The following PLCG2 variants were observed in gnomAD, a reference collection of about 807,000 sequenced individuals.
PLCG2 encodes the protein phospholipase C gamma 2, also known as 1-phosphatidylinositol 4,5-bisphosphate phosphodiesterase gamma-2.
A neutral mutation model predicts 175.6 loss-of-function variants in PLCG2; 69 were observed. The observed-to-expected ratio is 0.39, with a 90% CI of 0.32 to 0.48. PLCG2 has a LOEUF of 0.48. PLCG2 is among the 20% of genes least tolerant of loss of function. The pLI is 0.91. For synonymous variants in PLCG2, 827 were observed against 624.0 expected (o/e 1.33, Z -4.85); for missense variants, 1,798 against 1,650.9 (o/e 1.09, Z -1.54).
In PLCG2 at chr16:81,900,849, C is replaced by T. The variant is rs898493968; in HGVS notation, c.1362+69C>T. 1.5e-5 allele frequency: 21 copies of T among 1,438,220 alleles called. No individual in the cohort carries two copies. The African/African-American group carries it at 2.4e-4, about 16-fold the overall frequency. The allele number at this position is 1,438,220 out of a possible 1,614,324, so 89.1% of individuals were successfully genotyped here. A position where few individuals can be genotyped will look rare whatever the true frequency, so the allele number is the denominator to read the frequency against. On this transcript the variant is annotated intron_variant, in intron 14 of 32. Coordinates refer to ENST00000564138, the MANE Select transcript of PLCG2 (RefSeq NM_002661.5). Reference sequence around the variant, plus strand: ...TGGCTCGGTTCCCCGGCTCTGGGTCCCGTTCACCAAGTTCTATGTCCTACT... The same window carrying T: ...TGGCTCGGTTCCCCGGCTCTGGGTCTCGTTCACCAAGTTCTATGTCCTACT...
intron 2 of PLCG2, among the ~76,000 whole-genome samples, chr16:81,804,791 T>C (rs1306791203): frequency 6.6e-6 from 1 of 152,182 alleles, no homozygotes; most frequent in Non-Finnish European, 1.5e-5. Context: ...AGTTACCTCC[T>C]AAGAGGAACC....
At chr16:81,888,203 A>G (rs1908460974) in intron 9 of PLCG2, among the ~76,000 whole-genome samples, 1 of 152,172 alleles carries the variant, frequency 6.6e-6, no homozygotes, top group South Asian at 2.1e-4. Context: ...ACAAGCTGCC[A>G]CGGTCAGAGT....
intron 32 of PLCG2, among the ~76,000 whole-genome samples, 171 bp from the exon 33 acceptor site, chr16:81,957,785 C>G (rs1368381523): frequency 2.0e-5 from 3 of 152,152 alleles, no homozygotes; most frequent in Non-Finnish European, 4.4e-5. Context: ...TTTAACCTCT[C>G]TGAGTCTCAA....
intron 2 of PLCG2, among the ~76,000 whole-genome samples, chr16:81,812,027 A>G (rs112423646): frequency 0.03 from 4,288 of 143,132 alleles, 76 homozygotes; most frequent in Middle Eastern, 0.061. Flanking sequence ...CCTCTCCAGC[A>G]TCTGTTGTTT....
intron 19 of PLCG2, among the ~76,000 whole-genome samples, chr16:81,915,424 T>A (rs1037243391): frequency 6.6e-6 from 1 of 152,212 alleles, no homozygotes; most frequent in Admixed American, 6.5e-5. Context: ...AAGGCATCTC[T>A]TGGGCAGTGA....
intron 5 of PLCG2, among the ~76,000 whole-genome samples, chr16:81,865,750 G>A (rs1339993124): frequency 6.7e-6 from 1 of 148,968 alleles, no homozygotes; most frequent in East Asian, 2.0e-4. Context: ...CTCCACTGGG[G>A]CAGCAGCGTG....
Position 81,960,192 on chromosome 16 carries a change from T to A in PLCG2, c.*2194T>A, listed in dbSNP as rs1911730809. On this transcript the variant is annotated 3_prime_UTR_variant, in exon 33 of 33. Transcript: ENST00000564138. The stretch of plus-strand genomic sequence containing the variant: ...CTCCTGTCCTTGACAGAGTAACACG[T>A]TAATCTGGTTCTTGGTGGTGTTAGG... 4.5e-6 allele frequency: 1 copy of A among 220,550 alleles called. No individual in the cohort carries two copies. The highest frequency in any genetic ancestry group is 9.1e-6 in the Non-Finnish European group (1 of 109,982). The allele number at this position is 220,550 out of a possible 1,614,324, so 13.7% of individuals were successfully genotyped here.
In PLCG2 at chr16:81,881,075, C is replaced by A. The variant is rs747921337; in HGVS notation, c.692+122C>A. On this transcript the variant is annotated intron_variant, in intron 8 of 32. Transcript: ENST00000564138. ...CGCTGACCTCCAAAGGGGCAGGGGG[C>A]CCCTGCTGGGGAATTGGCCATCCCA... 10 of 970,676 alleles carry A rather than the reference C, an allele frequency of 1.0e-5. No homozygotes were observed. In the East Asian group the frequency reaches 1.2e-4, roughly 12 times the overall value. 60.1% of individuals were successfully genotyped at this position (970,676 alleles called of 1,614,324 possible).
chr16:81,948,531 T>C (rs1436379760), intron 31 of PLCG2, among the ~76,000 whole-genome samples: 1 of 152,176 alleles, frequency 6.6e-6, no homozygotes, highest in Non-Finnish European at 1.5e-5. Context: ...ACCCAGGATG[T>C]TGTGCACTAG....
intron 2 of PLCG2, chr16:81,842,988 G>T (rs1905915904): frequency 6.8e-6 from 1 of 147,388 alleles, no homozygotes; most frequent in South Asian, 2.2e-4. Flanking sequence ...GTGGAGGGAT[G>T]GGTGGTGGGG....
chr16:81,809,831 C>T (rs759659227), intron 2 of PLCG2, among the ~76,000 whole-genome samples: 23 of 101,938 alleles, frequency 2.3e-4, no homozygotes, highest in Non-Finnish European at 3.9e-4. Flanking sequence ...TTGGCCGGGG[C>T]GGGGGGTGGG....
rs536930702 is a variant in PLCG2 at position 81,786,441 on chromosome 16, C to G, written c.193+259C>G. ...ACATGGAAATGGCATTCAGGCAGCT[C>G]TCCTTGCCTGGTGGTTCTGTGCCCT... On this transcript the variant is annotated intron_variant, in intron 2 of 32. Coordinates refer to ENST00000564138, the MANE Select transcript of PLCG2 (RefSeq NM_002661.5). 1.1e-3 allele frequency among the ~76,000 whole-genome samples: 169 copies of G among 152,302 alleles called. 1 individual carries two copies. The highest frequency in any genetic ancestry group is 2.0e-3 in the Admixed American group (31 of 15,294).
At chr16:81,851,605 C>G (rs539299362) in intron 2 of PLCG2, among the ~76,000 whole-genome samples, 1 of 152,284 alleles carries the variant, frequency 6.6e-6, no homozygotes, top group South Asian at 2.1e-4. Flanking sequence ...CTCCGCCTCC[C>G]GAGTTCAGGC....
At chr16:81,908,653 G>A (rs1909485095) in intron 17 of PLCG2, 62 bp downstream of exon 17, 3 of 1,459,188 alleles carry the variant, frequency 2.1e-6, no homozygotes, top group Non-Finnish European at 2.8e-6. Context: ...GAGGCAGGGT[G>A]GCGAGTGGTT....
chr16:81,931,744 G>T, intron 25 of PLCG2, 90 bp downstream of exon 25: 1 of 1,123,836 alleles, frequency 8.9e-7, no homozygotes, highest in Admixed American at 2.0e-5. Context: ...CAGGCAGCAG[G>T]ATGAGCAGGC....
intron 13 of PLCG2, among the ~76,000 whole-genome samples, chr16:81,900,013 A>C: frequency 6.6e-6 from 1 of 152,316 alleles, no homozygotes; most frequent in South Asian, 2.1e-4. Context: ...AGATAAGAAA[A>C]ATCAACTACA....
chr16:81,832,691 A>T (rs574676832), intron 2 of PLCG2, among the ~76,000 whole-genome samples: 20 of 152,366 alleles, frequency 1.3e-4, no homozygotes, highest in African/African-American at 4.3e-4. Context: ...GGCATGAGCC[A>T]TTGCGCCCAG....
intron 1 of PLCG2, among the ~76,000 whole-genome samples, chr16:81,747,804 G>T (rs1297108196): frequency 1.3e-5 from 2 of 152,142 alleles, no homozygotes; most frequent in Admixed American, 6.5e-5. Context: ...AAATGTCAGT[G>T]TCATAAAAGA....
chr16:81,925,912 G>A (rs56242390), intron 22 of PLCG2, among the ~76,000 whole-genome samples: 147,689 of 149,986 alleles, frequency 0.98, 72,764 homozygotes, highest in East Asian at 1. Flanking sequence ...AAATCCAGAA[G>A]GATATCATAT....
Sources: gnomAD v4.1 joint callset for allele counts (sites outside exome capture counted in the v4.1 genomes callset) on GRCh38, gnomAD v4.1.1 for gene constraint, MANE v1.5 for transcripts, NCBI Gene and HGNC (gene_info 2026-07-23, HGNC 2026-07-21) for gene names.